Variants in HCLS1 observed in about 807,000 individuals in gnomAD.
HCLS1 encodes the protein hematopoietic cell-specific Lyn substrate 1, also known as hematopoietic lineage cell-specific protein.
A neutral mutation model predicts 68.6 loss-of-function variants in HCLS1; 44 were observed. The observed-to-expected ratio is 0.64, with a 90% CI of 0.50 to 0.82. The LOEUF (loss-of-function observed/expected upper bound fraction) is 0.82, where lower values mean the gene tolerates loss of function less well. Among genes scored for constraint, HCLS1 ranks in the 40% least tolerant of loss-of-function variants. The pLI is 0.00. For missense variants in HCLS1, 602 were observed against 612.1 expected (o/e 0.98, Z 0.17); for synonymous variants, 217 against 225.8 (o/e 0.96, Z 0.35).
At chr3:121,645,890 T>A (rs2107470093) in intron 4 of HCLS1, among the ~76,000 whole-genome samples, 1 of 144,218 alleles carries the variant, frequency 6.9e-6, no homozygotes, top group East Asian at 2.0e-4. Context: ...ATATTTATAA[T>A]ATAAATATGT....
chr3:121,640,059 A>G (rs2049182903), intron 6 of HCLS1, among the ~76,000 whole-genome samples: 1 of 152,176 alleles, frequency 6.6e-6, no homozygotes, highest in Non-Finnish European at 1.5e-5. Context: ...AGTAAGTAAG[A>G]TCAGAAATGA....
chr3:121,646,158 A>T (rs372783966), intron 4 of HCLS1, among the ~76,000 whole-genome samples: 8 of 82,104 alleles, frequency 9.7e-5, no homozygotes, highest in East Asian at 4.4e-4. Flanking sequence ...GTATATATAT[A>T]ATATATCTTA....
chr3:121,638,970 C>T (rs996190389), intron 6 of HCLS1, among the ~76,000 whole-genome samples: 11 of 151,536 alleles, frequency 7.3e-5, no homozygotes, highest in Non-Finnish European at 1.2e-4. Flanking sequence ...GACTTGAGCC[C>T]GGGAGTTCGA....
intron 10 of HCLS1, among the ~76,000 whole-genome samples, chr3:121,633,910 C>T (rs1003493438): frequency 6.6e-6 from 1 of 152,214 alleles, no homozygotes; most frequent in Non-Finnish European, 1.5e-5. Context: ...ACTCATCCCT[C>T]AAGATGGGCT....
chr3:121,631,588 T>G lies in HCLS1; in HGVS notation c.*258A>C. ...CAGAGGAGGAGAGCAGAGCTTGGGG[T>G]GGCAGAGAGGTGTTCATTGGGAAGG... On this transcript the variant is annotated 3_prime_UTR_variant, in exon 14 of 14. Coordinates refer to ENST00000314583, the MANE Select transcript of HCLS1 (RefSeq NM_005335.6). 2.3e-6 allele frequency: 1 copy of G among 433,364 alleles called. No individual in the cohort carries two copies. The highest frequency in any genetic ancestry group is 4.2e-6 in the Non-Finnish European group (1 of 239,616). The allele number at this position is 433,364 out of a possible 1,614,324, so 26.8% of individuals were successfully genotyped here. A position where few individuals can be genotyped will look rare whatever the true frequency, so the allele number is the denominator to read the frequency against.
rs768639173 is a variant in HCLS1, at chr3:121,635,808, C to A, written c.622-4G>T. 1.4e-5 allele frequency: 22 copies of A among 1,613,552 alleles called. No individual in the cohort carries two copies. The African/African-American group carries it at 2.7e-4, about 20-fold the overall frequency. On this transcript the variant is annotated splice_region_variant and splice_polypyrimidine_tract_variant and intron_variant, in intron 8 of 13. Transcript: ENST00000314583. ...TTTCATTGAAGCCGACAGCGCTCTG[C>A]AGGCAGGAGAACAGCATGTGTGTTG...
intron 2 of HCLS1, 29 bp downstream of exon 2, chr3:121,658,235 T>C: frequency 6.4e-7 from 1 of 1,571,478 alleles, no homozygotes; most frequent in Non-Finnish European, 8.8e-7. Context: ...CCCTCTGCAC[T>C]GTCCAAGCAA....
Position 121,657,354 on chromosome 3 carries a change from T to G in HCLS1, c.85-2A>C. On this transcript the variant is annotated splice_acceptor_variant, in intron 2 of 13. Coordinates refer to ENST00000314583, the MANE Select transcript of HCLS1 (RefSeq NM_005335.6). LOFTEE classifies it high-confidence loss of function. The stretch of plus-strand genomic sequence containing the variant: ...TTGCTCCTTTTCAGAGATGTCATTC[T>G]GCAAACGACAGCACGCAGTAATACA... The G allele has an allele frequency of 6.2e-7, 1 of 1,614,094 alleles. No homozygotes were observed. Among genetic ancestry groups the G allele is most frequent in the Non-Finnish European group, 8.5e-7 (1 of 1,179,948 alleles).
intron 4 of HCLS1, among the ~76,000 whole-genome samples, chr3:121,645,267 T>G (rs996645744): frequency 1.3e-4 from 19 of 150,728 alleles, no homozygotes; most frequent in African/African-American, 4.4e-4. Context: ...CAGAACAGAG[T>G]GTAGTGTGGG....
intron 9 of HCLS1, among the ~76,000 whole-genome samples, chr3:121,635,030 C>T (rs1393547805): frequency 1.3e-5 from 2 of 152,008 alleles, no homozygotes; most frequent in African/African-American, 4.8e-5. Flanking sequence ...AGCCACCACT[C>T]ATCCTCAACC....
chr3:121,647,406 A>T lies in HCLS1; in HGVS notation c.201T>A (p.Val67=). Residue 67 remains valine (V), a synonymous_variant, in exon 4 of 14, where the codon GTT becomes GTA. Coordinates refer to ENST00000314583, the MANE Select transcript of HCLS1 (RefSeq NM_005335.6). ...LRNKVSEEHD[V]LRKKEMESGP... is the part of the protein sequence containing the mutation. Reference sequence around the variant, plus strand: ...CTGACTCCATCTCTTTCTTCCTGAGAACATCATGCTCCTCTGATACTTTGT... The same window carrying T: ...CTGACTCCATCTCTTTCTTCCTGAGTACATCATGCTCCTCTGATACTTTGT... The T allele has an allele frequency of 6.2e-7, 1 of 1,613,996 alleles. No individual in the cohort carries two copies. Among genetic ancestry groups the T allele is most frequent in the Non-Finnish European group, 8.5e-7 (1 of 1,179,976 alleles).
chr3:121,633,507 C>A (rs1195936957), intron 10 of HCLS1, among the ~76,000 whole-genome samples: 1 of 152,160 alleles, frequency 6.6e-6, no homozygotes, highest in Non-Finnish European at 1.5e-5. Flanking sequence ...CAGGCATGAG[C>A]CACCACGCTC....
chr3:121,657,331 G>C lies in HCLS1; in HGVS notation c.106C>G (p.Gln36Glu), dbSNP rs1412346235. ...DFVNDISEKEQRWGAKTIEGS... is the reference protein window; with the variant it reads ...DFVNDISEKEERWGAKTIEGS... ...TCGATGGTCTTGGCTCCCCATCGTTGCTCCTTTTCAGAGATGTCATTCTGC... is the reference window on the plus strand; with the variant it reads ...TCGATGGTCTTGGCTCCCCATCGTTCCTCCTTTTCAGAGATGTCATTCTGC... The change falls in exon 3 of 14, where the codon CAA (glutamine) becomes GAA (glutamate). Residue 36 changes from glutamine to glutamate, a missense_variant. Physicochemically the swap from Gln to Glu is conservative, Grantham distance 29 (BLOSUM62 2). Coordinates refer to ENST00000314583, the MANE Select transcript of HCLS1 (RefSeq NM_005335.6). 1.2e-6 allele frequency: 2 copies of C among 1,613,936 alleles called. No individual in the cohort carries two copies. Among genetic ancestry groups the C allele is most frequent in the Non-Finnish European group, 1.7e-6 (2 of 1,179,954 alleles).
At chr3:121,647,035 G>A (rs1937621879) in intron 4 of HCLS1, among the ~76,000 whole-genome samples, 1 of 146,750 alleles carries the variant, frequency 6.8e-6, no homozygotes, top group Non-Finnish European at 1.5e-5. Flanking sequence ...AGGCTGGAGT[G>A]CAGTGGCATG....
At position 121,647,361 on chromosome 3, in the gene HCLS1, G is replaced by A. The variant is rs762271895; in HGVS notation, c.246C>T (p.Gly82=). 2 of 1,613,880 alleles carry A rather than the reference G, an allele frequency of 1.2e-6. No individual in the cohort carries two copies. Among genetic ancestry groups the A allele is most frequent in the South Asian group, 2.2e-5 (2 of 91,070 alleles). ...EMESGPKASH[G]YGGRFGVERD... is the part of the protein sequence containing the mutation. ...TTTCTACTCCAAACCGACCTCCATA[G>A]CCATGGGATGCTTTGGGCCCTGACT... The change falls in exon 4 of 14, where the codon GGC becomes GGT. Residue 82 remains glycine, a synonymous_variant. Transcript: ENST00000314583.
At chr3:121,650,865 T>C (rs573929995) in intron 3 of HCLS1, among the ~76,000 whole-genome samples, 1 of 152,252 alleles carries the variant, frequency 6.6e-6, no homozygotes, top group East Asian at 1.9e-4. Flanking sequence ...TGGCCAGGTG[T>C]GGTGGCTCAC....
At chr3:121,649,872 G>C (rs973045211) in intron 3 of HCLS1, among the ~76,000 whole-genome samples, 1 of 152,112 alleles carries the variant, frequency 6.6e-6, no homozygotes, top group Non-Finnish European at 1.5e-5. Flanking sequence ...AAAACTAAAA[G>C]CACAAATGTG....
intron 8 of HCLS1, 132 bp from the exon 9 acceptor site, chr3:121,635,936 A>G (rs989860529): frequency 7.3e-6 from 5 of 684,732 alleles, no homozygotes; most frequent in Non-Finnish European, 1.3e-5. Context: ...GCTGGACAGC[A>G]TGTTCCAATG....
rs1937638029 is a variant in HCLS1 at position 121,647,434 on chromosome 3, C to G, written c.173G>C (p.Arg58Thr). 1.2e-6 allele frequency: 2 copies of G among 1,614,098 alleles called. No homozygotes were observed. Among genetic ancestry groups the G allele is most frequent in the Non-Finnish European group, 1.7e-6 (2 of 1,180,014 alleles). Residue 58 changes from arginine to threonine, a missense_variant, in exon 4 of 14, where the codon AGG becomes ACG. Physicochemically the swap from Arg to Thr is moderately conservative, Grantham distance 71. Transcript: ENST00000314583. Reference protein sequence around the residue: ...RTEHINIHQLRNKVSEEHDVL... With the variant: ...RTEHINIHQLTNKVSEEHDVL... ...ATCATGCTCCTCTGATACTTTGTTC[C>G]TCAGCTGGTGGATGCTGGAAGAAAC...
Sources: gnomAD v4.1 joint callset for allele counts (sites outside exome capture counted in the v4.1 genomes callset) on GRCh38, gnomAD v4.1.1 for gene constraint, MANE v1.5 for transcripts, NCBI Gene and HGNC (gene_info 2026-07-23, HGNC 2026-07-21) for gene names.